Variants in KIF6 observed in about 807,000 individuals in gnomAD.
KIF6 encodes the protein kinesin family member 6.
In KIF6, 106 loss-of-function variants were observed where a neutral mutation model predicts 112.7. The ratio of observed to expected loss-of-function variants is 0.94; its 90% CI spans 0.80 to 1.11. The LOEUF (loss-of-function observed/expected upper bound fraction) is 1.11, where lower values mean the gene tolerates loss of function less well. KIF6 is among the 50% of genes least tolerant of loss of function. KIF6 has a pLI of 0.00. For missense variants in KIF6, 929 were observed against 964.0 expected, an observed-to-expected ratio of 0.96 and a Z score of 0.48; for synonymous variants, 339 against 339.9, an observed-to-expected ratio of 1.00 and a Z score of 0.03.
intron 13 of KIF6, among the ~76,000 whole-genome samples, chr6:39,472,897 G>C (rs762781742): frequency 1.3e-5 from 1 of 76,422 alleles, no homozygotes; most frequent in Non-Finnish European, 2.3e-5. Flanking sequence ...TTTCACTCTT[G>C]CTGCCCAGGC....
At chr6:39,337,235 C>CT (rs758188254) in intron 22 of KIF6, among the ~76,000 whole-genome samples, 1 of 76,418 alleles carries the variant, frequency 1.3e-5, no homozygotes, top group Non-Finnish European at 2.5e-5. Flanking sequence ...TTCTTTCTTT[C>CT]TTTTTCTTTC....
Position 39,346,501 on chromosome 6 carries a change from G to T in KIF6, c.2206C>A (p.Gln736Lys). 2.8e-6 allele frequency: 2 copies of T among 714,850 alleles called. No individual in the cohort carries two copies. The highest frequency in any genetic ancestry group is 5.2e-6 in the Non-Finnish European group (2 of 385,034). 44.3% of individuals were successfully genotyped at this position (714,850 alleles called of 1,614,324 possible). A position where few individuals can be genotyped will look rare whatever the true frequency, so the allele number is the denominator to read the frequency against. ...KSSGGWEVQD[Q>K]GTGRFDVCDV... ...CAGACATCGAATCTGCCAGTGCCTT[G>T]ATCTTGGACTTCCCAGCCTCCAGAA... Residue 736 changes from glutamine to lysine, a missense_variant, in exon 20 of 23, where the codon CAA becomes AAA. Gln to Lys is a moderately conservative substitution (Grantham distance 53). Coordinates refer to ENST00000287152, the MANE Select transcript of KIF6 (RefSeq NM_145027.6).
intron 3 of KIF6, among the ~76,000 whole-genome samples, chr6:39,686,326 C>T (rs897849344): frequency 2.6e-5 from 4 of 152,108 alleles, no homozygotes; most frequent in African/African-American, 4.8e-5. Flanking sequence ...TTTATTTTAA[C>T]AAACCTTTGA....
chr6:39,347,899 A>G (rs1763932899), intron 19 of KIF6, among the ~76,000 whole-genome samples: 2 of 152,112 alleles, frequency 1.3e-5, no homozygotes, highest in Admixed American at 1.3e-4. Context: ...CCCCTCACCC[A>G]CCAATGTCCA....
At chr6:39,448,225 A>G (rs1772452507) in intron 13 of KIF6, among the ~76,000 whole-genome samples, 1 of 151,966 alleles carries the variant, frequency 6.6e-6, no homozygotes, top group Non-Finnish European at 1.5e-5. Flanking sequence ...CCCAAGCTGG[A>G]GTGCAGTGGT....
rs531093978 is a variant in KIF6 at position 39,667,583 on chromosome 6, T to C, written c.252-27826A>G. Among the ~76,000 whole-genome samples, 188 of 152,288 alleles carry C rather than the reference T, an allele frequency of 1.2e-3. 1 individual carries two copies. Among genetic ancestry groups the C allele is most frequent in the Non-Finnish European group, 1.8e-3 (123 of 68,032 alleles). On this transcript the variant is annotated intron_variant, in intron 3 of 22. Coordinates refer to ENST00000287152, the MANE Select transcript of KIF6 (RefSeq NM_145027.6). ...TCCTTAATCTAGTCAAACTGACACC[T>C]AAAATTAAGTCTTCAAGTCCACTCT... is the stretch of plus-strand genomic sequence containing the variant.
chr6:39,602,479 G>A (rs1039811526), intron 6 of KIF6, among the ~76,000 whole-genome samples: 2 of 152,000 alleles, frequency 1.3e-5, no homozygotes, highest in Non-Finnish European at 2.9e-5. Flanking sequence ...TTGAGGACAG[G>A]GACTGTGTCT....
At chr6:39,346,222 T>C (rs1293343432) in intron 20 of KIF6, 1 of 573,494 alleles carries the variant, frequency 1.7e-6, no homozygotes. Context: ...AAGGAAGCCC[T>C]CAGCAGGAAC....
intron 13 of KIF6, among the ~76,000 whole-genome samples, chr6:39,464,216 G>C (rs1773656227): frequency 6.6e-6 from 1 of 152,164 alleles, no homozygotes; most frequent in South Asian, 2.1e-4. Flanking sequence ...CTCATGCTCA[G>C]AGCTGAGCAG....
chr6:39,370,267 A>T (rs1261608078), intron 16 of KIF6, among the ~76,000 whole-genome samples: 1 of 152,210 alleles, frequency 6.6e-6, no homozygotes, highest in Non-Finnish European at 1.5e-5. Context: ...CTCAGGATGC[A>T]TATGATCTTT....
In KIF6 at chr6:39,596,312, G is replaced by T. The variant is rs368637193; in HGVS notation, c.640-52C>A. On this transcript the variant is annotated intron_variant, in intron 6 of 22. Coordinates refer to ENST00000287152, the MANE Select transcript of KIF6 (RefSeq NM_145027.6). ...TATTTGAACAATGAAAATTTTTAAA[G>T]AATATCAAAAGATTTAAAATAATAT... The T allele has an allele frequency of 1.9e-5, 23 of 1,203,468 alleles. No individual in the cohort carries two copies. The African/African-American group carries it at 3.2e-4, about 17-fold the overall frequency. 74.5% of individuals were successfully genotyped at this position (1,203,468 alleles called of 1,614,324 possible). A position where few individuals can be genotyped will look rare whatever the true frequency, so the allele number is the denominator to read the frequency against.
intron 16 of KIF6, among the ~76,000 whole-genome samples, chr6:39,373,687 A>G (rs921642133): frequency 3.3e-5 from 5 of 152,222 alleles, no homozygotes; most frequent in Admixed American, 2.0e-4. Context: ...CTAAGGAGGT[A>G]TAATTGAAAA....
At chr6:39,412,859 G>T (rs959183343) in intron 15 of KIF6, among the ~76,000 whole-genome samples, 6 of 152,024 alleles carry the variant, frequency 3.9e-5, no homozygotes, top group African/African-American at 1.2e-4. Context: ...GTCTCTTAGG[G>T]GGGGCTTATC....
chr6:39,360,452 C>T lies in KIF6; in HGVS notation c.2025G>A (p.Lys675=), dbSNP rs1373673234. The T allele has an allele frequency of 6.2e-7, 1 of 1,614,104 alleles. No individual in the cohort carries two copies. Among genetic ancestry groups the T allele is most frequent in the African/African-American group, 1.3e-5 (1 of 74,930 alleles). The change falls in exon 18 of 23, where the codon AAG becomes AAA. Residue 675 remains lysine, a synonymous_variant. Coordinates refer to ENST00000287152, the MANE Select transcript of KIF6 (RefSeq NM_145027.6). ...EHLQLLMDKA[K]VKLQKEFEVW... is the part of the protein sequence containing the mutation. ...CTTCAAACTCTTTCTGTAGCTTCACCTTGGCTTTGTCCATGAGCAGCTGCA... is the reference window on the plus strand; with the variant it reads ...CTTCAAACTCTTTCTGTAGCTTCACTTTGGCTTTGTCCATGAGCAGCTGCA...
At chr6:39,509,287 A>G (rs9367016) in intron 13 of KIF6, among the ~76,000 whole-genome samples, 6,423 of 152,296 alleles carry the variant, frequency 0.042, 270 homozygotes, top group East Asian at 0.25. Context: ...CCAGAGCAGA[A>G]AGGCTGAAAA....
chr6:39,531,614 T>C (rs1778065673), intron 13 of KIF6, among the ~76,000 whole-genome samples: 1 of 152,162 alleles, frequency 6.6e-6, no homozygotes, highest in Non-Finnish European at 1.5e-5. Flanking sequence ...ATGCTCTCTA[T>C]AGCCAACAAT....
At chr6:39,355,130 G>A (rs960365884) in intron 19 of KIF6, among the ~76,000 whole-genome samples, 1 of 152,144 alleles carries the variant, frequency 6.6e-6, no homozygotes, top group East Asian at 1.9e-4. Context: ...AGGCTGCAGT[G>A]AGCCGTGATC....
At chr6:39,534,482 T>A (rs1778284658) in intron 13 of KIF6, among the ~76,000 whole-genome samples, 1 of 151,798 alleles carries the variant, frequency 6.6e-6, no homozygotes, top group Non-Finnish European at 1.5e-5. Context: ...ATGAAATGAA[T>A]GAAATGAAGC....
chr6:39,349,629 C>CGCTTTTTTTTT (rs1581641098), intron 19 of KIF6, among the ~76,000 whole-genome samples: 1 of 98,144 alleles, frequency 1.0e-5, no homozygotes, highest in East Asian at 4.6e-4. Flanking sequence ...TAATTTGTGG[C>CGCTTTTTTTTT]TCTTTTTTTT....
Sources: allele counts gnomAD v4.1 joint callset (sites outside exome capture counted in the v4.1 genomes callset), GRCh38; gene constraint gnomAD v4.1.1; transcripts MANE v1.5; gene names NCBI Gene and HGNC (gene_info 2026-07-23, HGNC 2026-07-21).